CSMD3: variants seen among roughly 807,000 people sequenced by gnomAD.
The protein encoded by CSMD3 is CUB and sushi domain-containing protein 3.
Under a neutral mutation model 435.2 loss-of-function variants are expected in CSMD3, and 177 were observed. The observed-to-expected ratio is 0.41, with a 90% CI of 0.36 to 0.46. The LOEUF is 0.46. Among genes scored for constraint, CSMD3 ranks in the 20% least tolerant of loss-of-function variants. The pLI, the probability that CSMD3 is intolerant of heterozygous loss-of-function variation, is 0.34. For missense variants in CSMD3, 4,265 were observed against 4,504.6 expected, an observed-to-expected ratio of 0.95 and a Z score of 1.52; for synonymous variants, 1,656 against 1,520.5, an observed-to-expected ratio of 1.09 and a Z score of -2.07.
At chr8:112,270,001 G>C (rs1817312604) in intron 59 of CSMD3, among the ~76,000 whole-genome samples, 1 of 152,110 alleles carries the variant, frequency 6.6e-6, no homozygotes, top group Non-Finnish European at 1.5e-5. Flanking sequence ...GGCTTAATGA[G>C]GACATGTCTG....
At chr8:112,610,610 G>A (rs1187483994) in intron 22 of CSMD3, among the ~76,000 whole-genome samples, 1 of 152,052 alleles carries the variant, frequency 6.6e-6, no homozygotes, top group Admixed American at 6.6e-5. Context: ...AATGTCCAAA[G>A]ACCATTTTTA....
At chr8:112,911,028 T>C (rs1013171166) in intron 10 of CSMD3, among the ~76,000 whole-genome samples, 5 of 151,916 alleles carry the variant, frequency 3.3e-5, no homozygotes, top group African/African-American at 9.7e-5. Context: ...GCTCCTATTT[T>C]AGTCTTTCAC....
intron 38 of CSMD3, among the ~76,000 whole-genome samples, chr8:112,379,745 G>T (rs1829297175): frequency 6.6e-6 from 1 of 152,088 alleles, no homozygotes; most frequent in African/African-American, 2.4e-5. Context: ...AAAACTGTTG[G>T]GGTCACAATT....
chr8:112,367,460 G>A (rs756595142), intron 38 of CSMD3, among the ~76,000 whole-genome samples: 1 of 152,172 alleles, frequency 6.6e-6, no homozygotes, highest in Non-Finnish European at 1.5e-5. Context: ...CTGTTATCAT[G>A]TAAGAAGTGA....
At chr8:112,977,381 T>A (rs1291133676) in intron 6 of CSMD3, among the ~76,000 whole-genome samples, 2 of 152,060 alleles carry the variant, frequency 1.3e-5, no homozygotes, top group African/African-American at 4.8e-5. Flanking sequence ...TTTACTTAGA[T>A]ATTTTAGATA....
chr8:112,520,050 A>G (rs1824111692), intron 27 of CSMD3, among the ~76,000 whole-genome samples: 2 of 152,082 alleles, frequency 1.3e-5, no homozygotes, highest in South Asian at 4.1e-4. Context: ...AACATCTTAA[A>G]TGTATTAATT....
intron 24 of CSMD3, among the ~76,000 whole-genome samples, chr8:112,563,365 A>G (rs1191270072): frequency 2.6e-5 from 4 of 151,702 alleles, no homozygotes; most frequent in Non-Finnish European, 5.9e-5. Context: ...AATTATTACT[A>G]TGCATTTCCA....
intron 6 of CSMD3, among the ~76,000 whole-genome samples, chr8:113,009,539 C>A (rs1192149098): frequency 6.6e-6 from 1 of 151,584 alleles, no homozygotes; most frequent in Non-Finnish European, 1.5e-5. Flanking sequence ...GCCCTTGTCA[C>A]GTTGAAAAAC....
At chr8:112,254,371 T>C (rs778154433) in intron 62 of CSMD3, 45 bp from the exon 63 acceptor site, 18 of 1,257,178 alleles carry the variant, frequency 1.4e-5, no homozygotes, top group African/African-American at 2.9e-5. Flanking sequence ...AAATTTACAA[T>C]AGATATAGTT....
intron 4 of CSMD3, among the ~76,000 whole-genome samples, chr8:113,115,299 A>G (rs1472342952): frequency 6.6e-6 from 1 of 152,158 alleles, no homozygotes; most frequent in African/African-American, 2.4e-5. Flanking sequence ...TTTTTATTTG[A>G]TAATGTTTTA....
At chr8:112,581,730 T>C (rs1428039122) in intron 23 of CSMD3, among the ~76,000 whole-genome samples, 1 of 152,066 alleles carries the variant, frequency 6.6e-6, no homozygotes, top group African/African-American at 2.4e-5. Context: ...ATGCGTTCTA[T>C]TGGAGAAGAC....
chr8:112,339,678 C>G (rs568754551), intron 42 of CSMD3, among the ~76,000 whole-genome samples: 1 of 152,234 alleles, frequency 6.6e-6, no homozygotes, highest in South Asian at 2.1e-4. Flanking sequence ...AATTTTCAAA[C>G]TGATTCCTTC....
At chr8:112,281,625 C>T (rs1818654700) in intron 58 of CSMD3, among the ~76,000 whole-genome samples, 1 of 152,018 alleles carries the variant, frequency 6.6e-6, no homozygotes, top group South Asian at 2.1e-4. Context: ...TCAAAGAGTA[C>T]TGTATTGGCT....
chr8:113,067,245 A>T (rs1320175161), intron 5 of CSMD3, among the ~76,000 whole-genome samples: 1 of 152,148 alleles, frequency 6.6e-6, no homozygotes, highest in Non-Finnish European at 1.5e-5. Flanking sequence ...CTTTATAGCA[A>T]TGTGAGAATG....
chr8:113,225,810 T>A (rs180913620), intron 3 of CSMD3, among the ~76,000 whole-genome samples: 2 of 151,634 alleles, frequency 1.3e-5, no homozygotes, highest in Non-Finnish European at 3.0e-5. Context: ...TAGTGTTTGA[T>A]ATGGTCTGGT....
intron 5 of CSMD3, among the ~76,000 whole-genome samples, chr8:113,085,573 T>C (rs899116438): frequency 6.6e-6 from 1 of 152,134 alleles, no homozygotes; most frequent in East Asian, 1.9e-4. Context: ...GTGGTATATA[T>C]GCACAATGGA....
At chr8:113,265,016 C>T (rs1341063049) in intron 3 of CSMD3, among the ~76,000 whole-genome samples, 2 of 151,558 alleles carry the variant, frequency 1.3e-5, no homozygotes, top group African/African-American at 4.8e-5. Context: ...AAAACATGTT[C>T]TATACTTGTA....
At chr8:113,302,887 C>T (rs1366529336) in intron 2 of CSMD3, among the ~76,000 whole-genome samples, 1 of 144,580 alleles carries the variant, frequency 6.9e-6, no homozygotes, top group African/African-American at 2.6e-5. Flanking sequence ...TCCTATTCAA[C>T]ATAGTGTTGG....
At chr8:112,898,043 A>G (rs1199417296) in intron 10 of CSMD3, among the ~76,000 whole-genome samples, 1 of 151,212 alleles carries the variant, frequency 6.6e-6, no homozygotes, top group Non-Finnish European at 1.5e-5. Context: ...TGTTATACGT[A>G]TAGAAATACT....
Sources: allele counts gnomAD v4.1 joint callset (sites outside exome capture counted in the v4.1 genomes callset), GRCh38; gene constraint gnomAD v4.1.1; transcripts MANE v1.5; gene names NCBI Gene and HGNC (gene_info 2026-07-23, HGNC 2026-07-21).